METTL15: variants seen among roughly 807,000 people sequenced by gnomAD.
METTL15 encodes methyltransferase 15, mitochondrial 12S rRNA N4-cytidine, also known as 12S rRNA N(4)-cytidine methyltransferase METTL15.
In METTL15, 34 loss-of-function variants were observed where a neutral mutation model predicts 38.3. The ratio of observed to expected loss-of-function variants is 0.89; its 90% confidence interval spans 0.68 to 1.18. The LOEUF (loss-of-function observed/expected upper bound fraction) is 1.18. Among genes scored for constraint, METTL15 ranks in the 50% most tolerant of loss-of-function variants. METTL15 has a pLI of 0.00. For missense variants in METTL15, 438 were observed against 498.4 expected (o/e 0.88, Z 1.15); for synonymous variants, 162 against 170.9 (o/e 0.95, Z 0.41).
chr11:28,127,809 A>G (rs1288717797), intron 3 of METTL15, among the ~76,000 whole-genome samples: 1 of 152,134 alleles, frequency 6.6e-6, no homozygotes, highest in East Asian at 1.9e-4. Context: ...GTAAACTTTT[A>G]TTTACATGAA....
At chr11:28,325,312 A>G (rs1391426495) in intron 6 of METTL15, among the ~76,000 whole-genome samples, 4 of 152,176 alleles carry the variant, frequency 2.6e-5, no homozygotes, top group Admixed American at 6.5e-5. Flanking sequence ...ATCCTTGACC[A>G]AAGCACAGCC....
intron 6 of METTL15, among the ~76,000 whole-genome samples, chr11:28,483,227 C>T (rs960229863): frequency 5.9e-5 from 9 of 152,078 alleles, no homozygotes; most frequent in East Asian, 1.9e-4. Flanking sequence ...GCCTGGCATT[C>T]GACAAGACGA....
intron 3 of METTL15, among the ~76,000 whole-genome samples, chr11:28,136,249 G>A (rs76948646): frequency 4.4e-3 from 671 of 152,238 alleles, no homozygotes; most frequent in Admixed American, 6.7e-3. Context: ...TGTGTCGAGG[G>A]TGGGCCAGGT....
At chr11:28,324,839 C>T (rs1026054044) in intron 6 of METTL15, among the ~76,000 whole-genome samples, 1 of 152,140 alleles carries the variant, frequency 6.6e-6, no homozygotes, top group Non-Finnish European at 1.5e-5. Flanking sequence ...GTAGAAAGAA[C>T]AATCGGGGCC....
chr11:28,380,473 ATTG>A (rs1334990452), intron 5 of METTL15, among the ~76,000 whole-genome samples: 4 of 152,102 alleles, frequency 2.6e-5, no homozygotes, highest in African/African-American at 7.2e-5. Flanking sequence ...ATTTAGATTC[ATTG>A]TTATTACTGA....
chr11:28,429,300 A>G (rs1305902317), intron 6 of METTL15, among the ~76,000 whole-genome samples: 1 of 151,938 alleles, frequency 6.6e-6, no homozygotes, highest in Non-Finnish European at 1.5e-5. Context: ...GAGTAACTTG[A>G]AATATTGGTA....
intron 4 of METTL15, among the ~76,000 whole-genome samples, chr11:28,279,914 CAAA>C (rs57284585): frequency 1.2e-5 from 1 of 81,636 alleles, no homozygotes; most frequent in Non-Finnish European, 2.6e-5. Flanking sequence ...CAAAACAAAA[CAAA>C]AAAAAAAAAA....
At chr11:28,388,303 A>G (rs186313061) in intron 5 of METTL15, among the ~76,000 whole-genome samples, 4 of 152,286 alleles carry the variant, frequency 2.6e-5, no homozygotes, top group Admixed American at 2.0e-4. Flanking sequence ...TCTTATATGT[A>G]GAAAACAATA....
intron 6 of METTL15, among the ~76,000 whole-genome samples, chr11:28,326,114 G>A (rs932835712): frequency 6.6e-6 from 1 of 152,156 alleles, no homozygotes; most frequent in Non-Finnish European, 1.5e-5. Context: ...TGAAAAAGCA[G>A]AACAATAAGT....
chr11:28,475,204 T>G (rs1245758769), intron 6 of METTL15, among the ~76,000 whole-genome samples: 4 of 152,168 alleles, frequency 2.6e-5, no homozygotes, highest in African/African-American at 9.7e-5. Flanking sequence ...GGGACTGAGT[T>G]TCTCACAGTG....
chr11:28,304,098 C>G (rs1398890142), intron 6 of METTL15, among the ~76,000 whole-genome samples: 1 of 151,986 alleles, frequency 6.6e-6, no homozygotes, highest in African/African-American at 2.4e-5. Context: ...GTATTCAGAG[C>G]TAAGGTAATT....
chr11:28,481,669 C>A (rs761266135), intron 6 of METTL15, among the ~76,000 whole-genome samples: 4 of 152,072 alleles, frequency 2.6e-5, no homozygotes, highest in Non-Finnish European at 5.9e-5. Context: ...CAGAGGTACC[C>A]GAGCAAAAGC....
At chr11:28,302,104 G>A (rs1856933556) in intron 6 of METTL15, among the ~76,000 whole-genome samples, 1 of 151,856 alleles carries the variant, frequency 6.6e-6, no homozygotes, top group South Asian at 2.1e-4. Flanking sequence ...TTAGAAATAA[G>A]GTCTCACTAT....
At chr11:28,505,303 G>T (rs1851619453) in intron 6 of METTL15, among the ~76,000 whole-genome samples, 1 of 152,128 alleles carries the variant, frequency 6.6e-6, no homozygotes, top group Non-Finnish European at 1.5e-5. Flanking sequence ...AAACTTTTCA[G>T]GCTGGAAACT....
chr11:28,310,055 C>G (rs1857221552), intron 6 of METTL15, among the ~76,000 whole-genome samples: 3 of 152,138 alleles, frequency 2.0e-5, no homozygotes, highest in Non-Finnish European at 2.9e-5. Context: ...ACCCCCCCAT[C>G]AACTACTGAC....
At chr11:28,435,590 A>G (rs1850975082) in intron 6 of METTL15, among the ~76,000 whole-genome samples, 1 of 152,188 alleles carries the variant, frequency 6.6e-6, no homozygotes, top group Admixed American at 6.5e-5. Context: ...GCCTATAGAA[A>G]ATTAGGGGCA....
intron 5 of METTL15, among the ~76,000 whole-genome samples, chr11:28,373,185 G>A (rs1590349382): frequency 6.6e-6 from 1 of 152,186 alleles, no homozygotes; most frequent in African/African-American, 2.4e-5. Flanking sequence ...AGATCCCTGA[G>A]GAATCGCCAC....
At chr11:28,531,104 G>T (rs184891758), downstream of METTL15, among the ~76,000 whole-genome samples, 375 of 151,922 alleles carry the variant, frequency 2.5e-3, no homozygotes, top group African/African-American at 8.2e-3. Context: ...TGTGGTGTTT[G>T]CTTCAAGCAG....
At chr11:28,421,344 T>C (rs1451695903) in intron 5 of METTL15, among the ~76,000 whole-genome samples, 1 of 152,014 alleles carries the variant, frequency 6.6e-6, no homozygotes, top group Non-Finnish European at 1.5e-5. Flanking sequence ...GTGGAAGTAA[T>C]ACTTCCAAAC....
Sources: gnomAD v4.1 joint callset for allele counts (sites outside exome capture counted in the v4.1 genomes callset) on GRCh38, gnomAD v4.1.1 for gene constraint, MANE v1.5 for transcripts, NCBI Gene and HGNC (gene_info 2026-07-23, HGNC 2026-07-21) for gene names.